Variants in DNAJC24 observed in about 807,000 individuals in gnomAD.
The protein encoded by DNAJC24 is dnaJ homolog subfamily C member 24.
In DNAJC24, 17 loss-of-function variants were observed where a neutral mutation model predicts 18.0. The observed-to-expected ratio is 0.94, with a 90% confidence interval of 0.65 to 1.42. The LOEUF (loss-of-function observed/expected upper bound fraction) is 1.42, where lower values mean the gene tolerates loss of function less well. Among genes scored for constraint, DNAJC24 ranks in the 40% most tolerant of loss-of-function variants. The pLI is 0.00. For synonymous variants in DNAJC24, 55 were observed against 57.7 expected (o/e 0.95, Z 0.21); for missense variants, 158 against 175.6 (o/e 0.90, Z 0.57).
rs1196949855 is a variant in DNAJC24 at position 31,371,814 on chromosome 11, C to CT, written c.111+981dup. Among the ~76,000 whole-genome samples, 343 of 73,862 alleles carry CT rather than the reference C, an allele frequency of 4.6e-3. 33 individuals are homozygous for CT. The highest frequency in any genetic ancestry group is 5.8e-3 in the African/African-American group (123 of 21,058). 48.5% of individuals were successfully genotyped at this position (73,862 alleles called of 152,430 possible). On this transcript the variant is annotated intron_variant, in intron 2 of 4. Coordinates refer to ENST00000465995, the MANE Select transcript of DNAJC24 (RefSeq NM_181706.5). ...CATTTATACACTAATTATCAGTTGA[C>CT]TTTTTTTTTTTTTTTTTTTTTTTTT...
At chr11:31,401,050 C>T (rs534775054) in intron 2 of DNAJC24, among the ~76,000 whole-genome samples, 4 of 152,150 alleles carry the variant, frequency 2.6e-5, no homozygotes, top group South Asian at 4.1e-4. Context: ...CAAACAGCCC[C>T]ATCAAAAAGT....
At chr11:31,370,930 A>T in intron 2 of DNAJC24, 71 bp downstream of exon 2, 1 of 939,408 alleles carries the variant, frequency 1.1e-6, no homozygotes, top group African/African-American at 1.7e-5. Flanking sequence ...CCACAAATTT[A>T]GGTTTCCAGA....
At chr11:31,379,437 A>G (rs1419022163) in intron 2 of DNAJC24, among the ~76,000 whole-genome samples, 1 of 152,062 alleles carries the variant, frequency 6.6e-6, no homozygotes, top group Non-Finnish European at 1.5e-5. Context: ...TTTCCACAAA[A>G]CTGGTCCCTG....
chr11:31,404,008 CT>C (rs1952629088), intron 2 of DNAJC24, among the ~76,000 whole-genome samples: 1 of 152,134 alleles, frequency 6.6e-6, no homozygotes, highest in Non-Finnish European at 1.5e-5. Flanking sequence ...CCTGTCTCCC[CT>C]TTTTAGACCT....
In DNAJC24 at chr11:31,431,801, A is replaced by T. The variant is rs1952926495; in HGVS notation, c.*1400A>T. The T allele has an allele frequency of 6.6e-6, 1 of 151,894 alleles. No individual in the cohort carries two copies. The highest frequency in any genetic ancestry group is 1.5e-5 in the Non-Finnish European group (1 of 67,982). 9.4% of individuals were successfully genotyped at this position (151,894 alleles called of 1,614,324 possible). On this transcript the variant is annotated 3_prime_UTR_variant, in exon 5 of 5. Transcript: ENST00000465995. ...CACTGCAGCCTGGGCTACAGAGAGC[A>T]AGACTCTGTCTCAAAAAAAATAAAA...
intron 2 of DNAJC24, among the ~76,000 whole-genome samples, chr11:31,371,415 G>A (rs1210736156): frequency 2.0e-5 from 3 of 152,134 alleles, no homozygotes; most frequent in African/African-American, 7.2e-5. Context: ...CTTCTTAAAA[G>A]AATTCTTGAT....
intron 2 of DNAJC24, among the ~76,000 whole-genome samples, chr11:31,371,461 G>T (rs1157331510): frequency 6.6e-6 from 1 of 151,756 alleles, no homozygotes; most frequent in Non-Finnish European, 1.5e-5. Flanking sequence ...ATTTCTACTG[G>T]CTCCTTTTTT....
chr11:31,382,700 T>C (rs1052027456), intron 2 of DNAJC24, among the ~76,000 whole-genome samples: 1 of 152,194 alleles, frequency 6.6e-6, no homozygotes, highest in Non-Finnish European at 1.5e-5. Context: ...CTTCTGACTG[T>C]AGGATTGTGC....
chr11:31,428,418 T>G (rs1408194853), intron 4 of DNAJC24, among the ~76,000 whole-genome samples: 2 of 152,186 alleles, frequency 1.3e-5, no homozygotes, highest in African/African-American at 2.4e-5. Context: ...CATGGAAGTT[T>G]TGAGCTAAAT....
chr11:31,383,751 A>T (rs1449877223), intron 2 of DNAJC24, among the ~76,000 whole-genome samples: 1 of 152,266 alleles, frequency 6.6e-6, no homozygotes, highest in Non-Finnish European at 1.5e-5. Context: ...AAGGGCCAGC[A>T]TATGCCATAA....
intron 2 of DNAJC24, among the ~76,000 whole-genome samples, chr11:31,383,439 A>T (rs1952398157): frequency 6.6e-6 from 1 of 152,194 alleles, no homozygotes; most frequent in Non-Finnish European, 1.5e-5. Flanking sequence ...GCAGAGACCA[A>T]ATACATGTAT....
At chr11:31,400,202 A>G (rs1307811949) in intron 2 of DNAJC24, among the ~76,000 whole-genome samples, 2 of 152,162 alleles carry the variant, frequency 1.3e-5, no homozygotes, top group Admixed American at 1.3e-4. Flanking sequence ...GCTATTGTAA[A>G]TGTGCTGCAT....
At chr11:31,398,262 T>C (rs1952563356) in intron 2 of DNAJC24, among the ~76,000 whole-genome samples, 2 of 152,118 alleles carry the variant, frequency 1.3e-5, no homozygotes, top group Non-Finnish European at 2.9e-5. Context: ...ATCTTGTTTA[T>C]TGAGCTTCAT....
intron 3 of DNAJC24, 90 bp downstream of exon 3, chr11:31,415,039 G>A (rs1008361474): frequency 7.0e-7 from 1 of 1,418,542 alleles, no homozygotes; most frequent in Non-Finnish European, 9.5e-7. Context: ...TCCAGCATTT[G>A]CACCAAGTGT....
At chr11:31,396,366 C>T in intron 2 of DNAJC24, 2 of 444,576 alleles carry the variant, frequency 4.5e-6, no homozygotes, top group South Asian at 1.6e-5. Flanking sequence ...ATCAAGGATT[C>T]TTCATCTGAG....
chr11:31,427,314 G>A (rs948631819), intron 4 of DNAJC24: 6 of 151,846 alleles, frequency 4.0e-5, no homozygotes, highest in East Asian at 1.9e-4. Context: ...TTGCCTCTGG[G>A]GCCATTCTGT....
At chr11:31,422,650 T>C (rs1591921976) in intron 3 of DNAJC24, among the ~76,000 whole-genome samples, 1 of 152,212 alleles carries the variant, frequency 6.6e-6, no homozygotes, top group Admixed American at 6.5e-5. Context: ...AACTAACTTA[T>C]CTGTTTTGAA....
At position 31,372,802 on chromosome 11, in the gene DNAJC24, G is replaced by A. The variant is rs955373763; in HGVS notation, c.111+1943G>A. On this transcript the variant is annotated intron_variant, in intron 2 of 4. Transcript: ENST00000465995. ...GCAATTTTGCCACCATTGACATTTT[G>A]GGCAGGATAATTCTTTGTTATTTCG... 2.5e-4 allele frequency among the ~76,000 whole-genome samples: 34 copies of A among 134,826 alleles called. 4 individuals are homozygous for A. Among genetic ancestry groups the A allele is most frequent in the African/African-American group, 7.5e-4 (30 of 40,156 alleles). The allele number at this position is 134,826 out of a possible 152,430, so 88.5% of individuals were successfully genotyped here.
rs972237798 is a variant in DNAJC24, at chr11:31,423,125, A to G, written c.251-3162A>G. Among the ~76,000 whole-genome samples, 4 of 152,316 alleles carry G rather than the reference A, an allele frequency of 2.6e-5. No homozygotes were observed. The East Asian group carries it at 7.7e-4, about 29-fold the overall frequency. ...CTTATTTCTATTTAAAAATGTAGCC[A>G]CTTAAGAGTCTCAACACACTACCTT... On this transcript the variant is annotated intron_variant, in intron 3 of 4. Transcript: ENST00000465995.
Sources: allele counts gnomAD v4.1 joint callset (sites outside exome capture counted in the v4.1 genomes callset), GRCh38; gene constraint gnomAD v4.1.1; transcripts MANE v1.5; gene names NCBI Gene and HGNC (gene_info 2026-07-23, HGNC 2026-07-21).